Variants in ANTXRL observed in about 807,000 individuals in gnomAD.
ANTXRL encodes ANTXR like, also known as anthrax toxin receptor-like.
A neutral mutation model predicts 75.4 loss-of-function variants in ANTXRL; 63 were observed. The ratio of observed to expected loss-of-function variants is 0.84; its 90% confidence interval spans 0.68 to 1.03. ANTXRL has a LOEUF of 1.03. Ranked by LOEUF, ANTXRL falls within the 50% of genes least tolerant of loss-of-function variation. ANTXRL has a pLI of 0.00. For missense variants in ANTXRL, 797 were observed against 789.4 expected, an observed-to-expected ratio of 1.01 and a Z score of -0.12; for synonymous variants, 335 against 291.3, an observed-to-expected ratio of 1.15 and a Z score of -1.53.
intron 1 of ANTXRL, among the ~76,000 whole-genome samples, chr10:46,289,182 G>A (rs1332697388): frequency 6.6e-6 from 1 of 152,088 alleles, no homozygotes; most frequent in Non-Finnish European, 1.5e-5. Context: ...TTATTCACTT[G>A]TTCATTGATT....
intron 16 of ANTXRL, among the ~76,000 whole-genome samples, chr10:46,329,006 T>G (rs1183900858): frequency 2.6e-5 from 4 of 152,148 alleles, no homozygotes; most frequent in African/African-American, 7.2e-5. Context: ...GCATCACAGA[T>G]GAACACAAAG....
intron 16 of ANTXRL, among the ~76,000 whole-genome samples, chr10:46,316,209 T>C (rs368708153): frequency 2.0e-5 from 3 of 151,570 alleles, no homozygotes; most frequent in African/African-American, 4.9e-5. Context: ...TGAGTTTAAT[T>C]CGTGTGCGCA....
intron 16 of ANTXRL, among the ~76,000 whole-genome samples, chr10:46,324,878 G>A (rs1322122919): frequency 1.3e-5 from 2 of 152,094 alleles, no homozygotes; most frequent in Non-Finnish European, 2.9e-5. Context: ...TCCTACCCTG[G>A]CAAGTTTACT....
At chr10:46,293,103 ATGTGTGTCTGTGTGTG>A (rs1448912952) in intron 2 of ANTXRL, 4 of 149,106 alleles carry the variant, frequency 2.7e-5, no homozygotes, top group African/African-American at 9.8e-5. Flanking sequence ...ATTATAAGGT[ATGTGTGTCTGTGTGTG>A]TGTGTGTGCA....
At chr10:46,309,085 C>T in intron 12 of ANTXRL, 28 bp from the exon 13 acceptor site, 2 of 1,535,576 alleles carry the variant, frequency 1.3e-6, no homozygotes, top group Non-Finnish European at 1.7e-6. Flanking sequence ...CACCGAGGCC[C>T]TCCTATGGTG....
intron 16 of ANTXRL, among the ~76,000 whole-genome samples, chr10:46,323,388 CAG>C (rs1244989559): frequency 2.6e-5 from 4 of 152,164 alleles, no homozygotes; most frequent in African/African-American, 9.7e-5. Flanking sequence ...TGGTCATCAC[CAG>C]AGTCAGGAAG....
At chr10:46,322,915 T>C (rs782377741) in intron 16 of ANTXRL, among the ~76,000 whole-genome samples, 1 of 152,210 alleles carries the variant, frequency 6.6e-6, no homozygotes, top group Non-Finnish European at 1.5e-5. Context: ...ATTCCTTTTA[T>C]ATTCAGGTTC....
At chr10:46,302,132 A>G (rs1837786578) in intron 9 of ANTXRL, among the ~76,000 whole-genome samples, 1 of 152,172 alleles carries the variant, frequency 6.6e-6, no homozygotes, top group Non-Finnish European at 1.5e-5. Context: ...TCTGTGATGG[A>G]TTCCCTTGAG....
intron 3 of ANTXRL, 44 bp downstream of exon 3, chr10:46,293,944 G>C (rs1203538526): frequency 2.0e-6 from 3 of 1,516,206 alleles, no homozygotes; most frequent in Non-Finnish European, 2.7e-6. Flanking sequence ...GATGAGCTTG[G>C]CCAGAGGGAG....
intron 2 of ANTXRL, 93 bp downstream of exon 2, chr10:46,292,222 C>A: frequency 8.2e-7 from 1 of 1,223,188 alleles, no homozygotes; most frequent in Non-Finnish European, 1.2e-6. Flanking sequence ...ATGGGGTGGG[C>A]GTGGGAGTCC....
chr10:46,309,408 G>A (rs538181124), intron 13 of ANTXRL, among the ~76,000 whole-genome samples: 4 of 152,310 alleles, frequency 2.6e-5, no homozygotes, highest in South Asian at 4.1e-4. Context: ...CTCCTGCCCC[G>A]GGCTGGCCAC....
chr10:46,306,458 C>T (rs1285776737), intron 10 of ANTXRL, among the ~76,000 whole-genome samples: 1 of 152,156 alleles, frequency 6.6e-6, no homozygotes, highest in Admixed American at 6.5e-5. Flanking sequence ...GCGGCTGTCC[C>T]TTCCTCTCTG....
chr10:46,318,739 T>C lies in ANTXRL; in HGVS notation c.1410+5423T>C, dbSNP rs1490688368. On this transcript the variant is annotated intron_variant, in intron 16 of 16. Transcript: ENST00000620264. ...ATGCAGGTGAGCTCAAGTGCACTTA[T>C]GGATGTTTAAGGATTGTTTAACATA... Among the ~76,000 whole-genome samples, 2 of 152,174 alleles carry C rather than the reference T, an allele frequency of 1.3e-5. 1 individual carries two copies. The highest frequency in any genetic ancestry group is 4.8e-5 in the African/African-American group (2 of 41,420).
chr10:46,322,403 A>G (rs1839022188), intron 16 of ANTXRL, among the ~76,000 whole-genome samples: 1 of 151,438 alleles, frequency 6.6e-6, no homozygotes, highest in Non-Finnish European at 1.5e-5. Flanking sequence ...GGTTGCAGTG[A>G]GCCGAGATTG....
intron 9 of ANTXRL, among the ~76,000 whole-genome samples, chr10:46,300,568 G>A (rs1255575499): frequency 2.0e-5 from 3 of 151,792 alleles, no homozygotes; most frequent in Admixed American, 6.6e-5. Context: ...AGGCCCTCCA[G>A]GGTCCACTTC....
At chr10:46,298,587 G>A (rs1837530554) in intron 9 of ANTXRL, among the ~76,000 whole-genome samples, 2 of 151,804 alleles carry the variant, frequency 1.3e-5, no homozygotes, top group Middle Eastern at 3.4e-3. Flanking sequence ...GAGTGTGTGG[G>A]AAGGTTGCCT....
intron 10 of ANTXRL, among the ~76,000 whole-genome samples, chr10:46,303,162 A>C (rs1565029830): frequency 1.3e-5 from 2 of 152,194 alleles, no homozygotes; most frequent in Non-Finnish European, 2.9e-5. Flanking sequence ...CCCAAAGCCC[A>C]CAAGGCTACT....
In ANTXRL at chr10:46,328,253, A is replaced by G. The variant is rs551944557; in HGVS notation, c.1411-1346A>G. 5.9e-5 allele frequency among the ~76,000 whole-genome samples: 9 copies of G among 152,180 alleles called. 1 individual carries two copies. Among genetic ancestry groups the G allele is most frequent in the African/African-American group, 1.9e-4 (8 of 41,448 alleles). On this transcript the variant is annotated intron_variant, in intron 16 of 16. Transcript: ENST00000620264. ...CACTGGGCAGACAAGGTTAGGAAGAACATTCCAGAAACAGAGGACAGCCTA... is the reference window on the plus strand; with the variant it reads ...CACTGGGCAGACAAGGTTAGGAAGAGCATTCCAGAAACAGAGGACAGCCTA...
At chr10:46,316,599 G>A (rs1397656834) in intron 16 of ANTXRL, among the ~76,000 whole-genome samples, 2 of 152,050 alleles carry the variant, frequency 1.3e-5, no homozygotes, top group African/African-American at 4.8e-5. Flanking sequence ...TGGTAGAGCC[G>A]GGTTATGAAC....
Sources: allele counts gnomAD v4.1 joint callset (sites outside exome capture counted in the v4.1 genomes callset), GRCh38; gene constraint gnomAD v4.1.1; transcripts MANE v1.5; gene names NCBI Gene and HGNC (gene_info 2026-07-23, HGNC 2026-07-21).